The following PREX1 variants were observed in gnomAD, a reference collection of about 807,000 sequenced individuals.
The protein encoded by PREX1 is phosphatidylinositol-3,4,5-trisphosphate dependent Rac exchange factor 1, also known as phosphatidylinositol 3,4,5-trisphosphate-dependent Rac exchanger 1 protein.
Under a neutral mutation model 198.3 loss-of-function variants are expected in PREX1, and 41 were observed. The observed-to-expected ratio is 0.21, with a 90% CI of 0.16 to 0.27. The LOEUF (loss-of-function observed/expected upper bound fraction) is 0.27. PREX1 is among the 10% of genes least tolerant of loss of function. The pLI is 1.00. For missense variants in PREX1, 1,620 were observed against 2,200.7 expected (o/e 0.74, Z 5.28); for synonymous variants, 843 against 887.2 (o/e 0.95, Z 0.89).
intron 14 of PREX1, among the ~76,000 whole-genome samples, chr20:48,674,667 G>C (rs1482013055): frequency 2.0e-5 from 3 of 152,158 alleles, no homozygotes; most frequent in African/African-American, 7.2e-5. Context: ...TTCCCCATCT[G>C]CAAGTAGGTT....
At chr20:48,656,658 A>ATCCC (rs923710561) in intron 18 of PREX1, among the ~76,000 whole-genome samples, 1 of 152,044 alleles carries the variant, frequency 6.6e-6, no homozygotes, top group African/African-American at 2.4e-5. Flanking sequence ...CCTGACAGCC[A>ATCCC]TCCCTCTGCA....
chr20:48,856,059 G>A, the PREX1 span, among the ~76,000 whole-genome samples: 1 of 152,276 alleles, frequency 6.6e-6, no homozygotes, highest in Non-Finnish European at 1.5e-5. Flanking sequence ...AAACATGACA[G>A]AGGAGAGCTA....
intron 5 of PREX1, among the ~76,000 whole-genome samples, chr20:48,712,609 T>C (rs2089937284): frequency 6.6e-6 from 1 of 152,238 alleles, no homozygotes; most frequent in Non-Finnish European, 1.5e-5. Flanking sequence ...TGTCCGCCTC[T>C]ATCTCTATTC....
chr20:48,786,137 C>T (rs753081191), intron 1 of PREX1, among the ~76,000 whole-genome samples: 2 of 150,422 alleles, frequency 1.3e-5, no homozygotes, highest in African/African-American at 4.9e-5. Context: ...GGGGGTGAGT[C>T]GGGGAGGTGA....
intron 13 of PREX1, among the ~76,000 whole-genome samples, chr20:48,678,602 A>T (rs1277977424): frequency 6.6e-6 from 1 of 152,234 alleles, no homozygotes; most frequent in Non-Finnish European, 1.5e-5. Context: ...CCCAGTGGGA[A>T]ACTACTGAAT....
chr20:48,653,648 C>T (rs2089519232), intron 19 of PREX1, 151 bp from the exon 20 acceptor site: 1 of 946,564 alleles, frequency 1.1e-6, no homozygotes, highest in Non-Finnish European at 1.5e-6. Context: ...TCTGACACTC[C>T]AGTGCAAAGA....
intron 7 of PREX1, among the ~76,000 whole-genome samples, chr20:48,696,614 T>C (rs202099722): frequency 5.3e-5 from 4 of 75,998 alleles, no homozygotes; most frequent in Admixed American, 3.5e-4. Flanking sequence ...CACACATACA[T>C]ACATACATAC....
intron 15 of PREX1, among the ~76,000 whole-genome samples, chr20:48,665,098 TCCAGACGGCCTGAATTCTAATCCCACC>T (rs2089627995): frequency 2.4e-5 from 3 of 124,012 alleles, no homozygotes; most frequent in Non-Finnish European, 3.3e-5. Flanking sequence ...TAATCCCGGC[TCCAGACGGCCTGAATTCTAATCCCACC>T]CCAGACGGCC....
chr20:48,642,260 T>C lies in PREX1; in HGVS notation c.3685-2A>G. ...GAGGAGAGCATTGATGGAGTCCACCTGGGTGGCAAGAAGCCTGGGGTTGGT... is the reference window on the plus strand; with the variant it reads ...GAGGAGAGCATTGATGGAGTCCACCCGGGTGGCAAGAAGCCTGGGGTTGGT... On this transcript the variant is annotated splice_acceptor_variant, in intron 28 of 39. Coordinates refer to ENST00000371941, the MANE Select transcript of PREX1 (RefSeq NM_020820.4). LOFTEE classifies it high-confidence loss of function. 1 of 1,614,170 alleles carries C rather than the reference T, an allele frequency of 6.2e-7. No homozygotes were observed. The highest frequency in any genetic ancestry group is 8.5e-7 in the Non-Finnish European group (1 of 1,179,984).
chr20:48,735,237 C>A (rs1211540084), intron 3 of PREX1, among the ~76,000 whole-genome samples: 1 of 152,110 alleles, frequency 6.6e-6, no homozygotes, highest in Admixed American at 6.6e-5. Flanking sequence ...ACAGAACCCG[C>A]CAAACCCTAA....
At position 48,708,296 on chromosome 20, in the gene PREX1, G is replaced by A. The variant is rs1233561156; in HGVS notation, c.747C>T (p.Ala249=). Residue 249 remains alanine (A), a synonymous_variant, in exon 6 of 40, where the codon GCC becomes GCT. Coordinates refer to ENST00000371941, the MANE Select transcript of PREX1 (RefSeq NM_020820.4). The part of the protein sequence containing the change: ...ETKRQMEKLE[A]LEQLQSHIEG... The stretch of plus-strand genomic sequence containing the variant: ...CGATGTGGGACTGCAGCTGCTCCAG[G>A]GCTTCCAGCTTCTCCATCTGCCGCT... 1.2e-6 allele frequency: 2 copies of A among 1,614,060 alleles called. No individual in the cohort carries two copies. Among genetic ancestry groups the A allele is most frequent in the Admixed American group, 1.7e-5 (1 of 60,022 alleles).
intron 30 of PREX1, among the ~76,000 whole-genome samples, chr20:48,638,184 A>AT (rs2122847436): frequency 6.6e-6 from 1 of 152,324 alleles, no homozygotes; most frequent in Admixed American, 6.5e-5. Context: ...GTAGACTCAC[A>AT]TATGTACACA....
chr20:48,641,814 GAAAGAA>G (rs2089411871), intron 29 of PREX1, among the ~76,000 whole-genome samples: 1 of 132,452 alleles, frequency 7.5e-6, no homozygotes, highest in African/African-American at 3.0e-5. Flanking sequence ...AAGAAAGAAA[GAAAGAA>G]AGAAAGAGAG....
intron 5 of PREX1, among the ~76,000 whole-genome samples, chr20:48,712,287 C>A (rs932388587): frequency 2.0e-5 from 3 of 152,164 alleles, no homozygotes; most frequent in African/African-American, 7.2e-5. Flanking sequence ...CCCAAGGGCA[C>A]GGACAGCTAA....
intron 1 of PREX1, among the ~76,000 whole-genome samples, chr20:48,760,062 A>G (rs546515909): frequency 4.6e-5 from 7 of 152,054 alleles, no homozygotes; most frequent in African/African-American, 1.7e-4. Context: ...CAGTGAGCCA[A>G]GATCGCACCA....
At position 48,666,023 on chromosome 20, in the gene PREX1, A is replaced by G. The variant is rs1024896510; in HGVS notation, c.1738+260T>C. On this transcript the variant is annotated intron_variant, in intron 15 of 39. Transcript: ENST00000371941. The surrounding 1 kb of genome is among the most constrained non-coding windows in gnomAD (Gnocchi z 4.3). The stretch of plus-strand genomic sequence containing the variant: ...CTGGAAGGCCACATCCCCCCCAGGA[A>G]GAAGGGCACAGGAAACCCATGGGTT... Among the ~76,000 whole-genome samples, 2 of 152,224 alleles carry G rather than the reference A, an allele frequency of 1.3e-5. No individual in the cohort carries two copies. The highest frequency in any genetic ancestry group is 1.5e-5 in the Non-Finnish European group (1 of 68,042).
At chr20:48,857,121 G>T in the PREX1 span, among the ~76,000 whole-genome samples, 2 of 152,214 alleles carry the variant, frequency 1.3e-5, no homozygotes, top group African/African-American at 4.8e-5. Context: ...TTATAGGCAT[G>T]AGGCACGGTG....
At chr20:48,765,249 T>G (rs1438084257) in intron 1 of PREX1, among the ~76,000 whole-genome samples, 2 of 152,236 alleles carry the variant, frequency 1.3e-5, no homozygotes, top group African/African-American at 4.8e-5. Context: ...ATATGTTTAG[T>G]AAGCTGCAAA....
intron 1 of PREX1, among the ~76,000 whole-genome samples, chr20:48,781,088 G>C (rs1433031457): frequency 1.3e-5 from 2 of 152,170 alleles, no homozygotes; most frequent in Non-Finnish European, 2.9e-5. Context: ...GAAAGGCAAA[G>C]AAAGACTGGG....
Sources: gnomAD v4.1 joint callset for allele counts (sites outside exome capture counted in the v4.1 genomes callset) on GRCh38, gnomAD v4.1.1 for gene constraint, Gnocchi (gnomAD v3.1) non-coding constraint, MANE v1.5 for transcripts, NCBI Gene and HGNC (gene_info 2026-07-23, HGNC 2026-07-21) for gene names.